RDH11: variants seen among roughly 807,000 people sequenced by gnomAD.
RDH11 encodes the protein retinol dehydrogenase 11.
RDH11 carries 19 observed loss-of-function variants against 33.4 expected under a neutral mutation model. The ratio of observed to expected loss-of-function variants is 0.57; its 90% CI spans 0.40 to 0.83. RDH11 has a LOEUF of 0.83. RDH11 is among the 40% of genes least tolerant of loss of function. The probability of loss-of-function intolerance (pLI) is 0.00; values close to 1 mark genes in which losing one functional copy is unlikely to be tolerated. For missense variants in RDH11, 353 were observed against 389.0 expected (o/e 0.91, Z 0.78); for synonymous variants, 154 against 155.3 (o/e 0.99, Z 0.06).
At chr14:67,679,133 T>A (rs919062210) in intron 6 of RDH11, among the ~76,000 whole-genome samples, 3 of 152,134 alleles carry the variant, frequency 2.0e-5, no homozygotes, top group Non-Finnish European at 4.4e-5. Context: ...AATAACAAGA[T>A]GGAAGGCATG....
intron 4 of RDH11, 88 bp from the exon 5 acceptor site, chr14:67,690,509 G>A: frequency 9.6e-7 from 1 of 1,039,954 alleles, no homozygotes; most frequent in South Asian, 1.4e-5. Flanking sequence ...ATGGGAGGCA[G>A]ATAATTCAGA....
intron 3 of RDH11, chr14:67,691,995 T>C: frequency 6.4e-6 from 1 of 155,968 alleles, no homozygotes; most frequent in East Asian, 1.9e-4. Flanking sequence ...GGTAAACTTC[T>C]TTGTCATGTC....
At position 67,687,467 on chromosome 14, in the gene RDH11, C is replaced by CT. The variant is rs67069556; in HGVS notation, c.665-2264dup. Among the ~76,000 whole-genome samples the CT allele has an allele frequency of 1.0e-3, 83 of 79,684 alleles. 2 individuals are homozygous for CT. Among genetic ancestry groups the CT allele is most frequent in the African/African-American group, 3.1e-3 (70 of 22,286 alleles). 52.3% of individuals were successfully genotyped at this position (79,684 alleles called of 152,430 possible). On this transcript the variant is annotated intron_variant, in intron 5 of 6. Transcript: ENST00000381346. ...GGAATGTTTCTCAGCCTCCATATTC[C>CT]TTTTTTTTTTTTTTTTTTTTGAGAT...
chr14:67,691,496 TACTC>T (rs2037750306), intron 3 of RDH11: 1 of 358,306 alleles, frequency 2.8e-6, no homozygotes. Flanking sequence ...AGGAGCTACT[TACTC>T]ACTGCTTTTG....
chr14:67,693,895 C>A (rs2037788552), intron 1 of RDH11, among the ~76,000 whole-genome samples: 1 of 152,154 alleles, frequency 6.6e-6, no homozygotes. Context: ...AGGTGATCCG[C>A]CCACCTCAGC....
intron 6 of RDH11, among the ~76,000 whole-genome samples, chr14:67,682,917 G>A (rs2140059931): frequency 6.6e-6 from 1 of 152,322 alleles, no homozygotes; most frequent in Non-Finnish European, 1.5e-5. Flanking sequence ...ATGAAGTACT[G>A]ACACATGCTT....
chr14:67,690,649 A>G (rs1031160833), intron 4 of RDH11: 8 of 514,502 alleles, frequency 1.6e-5, no homozygotes, highest in African/African-American at 3.8e-5. Context: ...CTATGTGAAT[A>G]TGAAGTCCCA....
chr14:67,691,432 T>C, intron 3 of RDH11, 188 bp from the exon 4 acceptor site: 2 of 535,596 alleles, frequency 3.7e-6, no homozygotes, highest in East Asian at 6.2e-5. Flanking sequence ...ACTTTTACTA[T>C]GGGGCAGAAT....
intron 6 of RDH11, among the ~76,000 whole-genome samples, chr14:67,679,024 G>T (rs561188780): frequency 6.9e-4 from 105 of 152,248 alleles, no homozygotes; most frequent in African/African-American, 2.3e-3. Flanking sequence ...CGACAAACTG[G>T]GTAACTATAA....
intron 6 of RDH11, among the ~76,000 whole-genome samples, chr14:67,681,930 GATTA>G (rs1395446317): frequency 6.6e-5 from 10 of 152,242 alleles, no homozygotes; most frequent in Non-Finnish European, 1.5e-4. Flanking sequence ...TTCATGAACA[GATTA>G]ATTAATAAAA....
At position 67,694,318 on chromosome 14, in the gene RDH11, C is replaced by T. The variant is rs561107750; in HGVS notation, c.75-1266G>A. On this transcript the variant is annotated intron_variant, in intron 1 of 6. Coordinates refer to ENST00000381346, the MANE Select transcript of RDH11 (RefSeq NM_016026.4). ...CTCCAGGAGTGACAACTTAGTAGGA[C>T]CTGTACTTAGTTCTTTCTTCTCCTT... Among the ~76,000 whole-genome samples, 208 of 151,996 alleles carry T rather than the reference C, an allele frequency of 1.4e-3. 2 individuals carry two copies. Among genetic ancestry groups the T allele is most frequent in the African/African-American group, 4.1e-3 (169 of 41,432 alleles).
intron 6 of RDH11, among the ~76,000 whole-genome samples, chr14:67,684,203 T>C (rs1332296143): frequency 1.3e-5 from 2 of 152,254 alleles, no homozygotes; most frequent in South Asian, 2.1e-4. Context: ...TATAGGCCTC[T>C]CATAATCTGT....
At chr14:67,684,784 G>T in intron 6 of RDH11, 1 of 357,832 alleles carries the variant, frequency 2.8e-6, no homozygotes, top group Non-Finnish European at 5.0e-6. Flanking sequence ...ACAAAGACAG[G>T]AAGAAAACAA....
chr14:67,690,832 G>C (rs1427344229), intron 4 of RDH11: 2 of 385,658 alleles, frequency 5.2e-6, no homozygotes, highest in African/African-American at 4.1e-5. Flanking sequence ...AAAAAGAGCA[G>C]ATGACCTATA....
chr14:67,683,408 T>C lies in RDH11; in HGVS notation c.854+1607A>G, dbSNP rs116454749. Among the ~76,000 whole-genome samples, 1,131 of 152,330 alleles carry C rather than the reference T, an allele frequency of 7.4e-3. 16 individuals carry two copies. The highest frequency in any genetic ancestry group is 0.026 in the African/African-American group (1,090 of 41,570). On this transcript the variant is annotated intron_variant, in intron 6 of 6. Coordinates refer to ENST00000381346, the MANE Select transcript of RDH11 (RefSeq NM_016026.4). ...CACATTTCCAACTATCTGCTATACA[T>C]TTCTACTTGCATGCCTTATAGATAA... is the stretch of plus-strand genomic sequence containing the variant.
intron 1 of RDH11, among the ~76,000 whole-genome samples, chr14:67,694,649 T>C (rs1321178605): frequency 2.0e-5 from 3 of 152,026 alleles, no homozygotes; most frequent in Non-Finnish European, 2.9e-5. Context: ...TGTTTTCATC[T>C]GAGTGTGAGA....
At chr14:67,678,516 G>A in intron 6 of RDH11, 93 bp from the exon 7 acceptor site, 1 of 766,116 alleles carries the variant, frequency 1.3e-6, no homozygotes, top group Non-Finnish European at 2.2e-6. Flanking sequence ...AACAACTAGG[G>A]ATCACATGTT....
chr14:67,691,312 C>T, intron 3 of RDH11, 68 bp from the exon 4 acceptor site: 2 of 1,013,132 alleles, frequency 2.0e-6, no homozygotes, highest in South Asian at 1.3e-5. Flanking sequence ...AAAGCTGCCT[C>T]ACGCTCAGGC....
rs763908149 is a variant in RDH11 at position 67,690,284 on chromosome 14, C to T, written c.592G>A (p.Ala198Thr). 27 of 1,614,036 alleles carry T rather than the reference C, an allele frequency of 1.7e-5. No homozygotes were observed. In the South Asian group the frequency reaches 3.0e-4, roughly 18 times the overall value. The change falls in exon 5 of 7, where the codon GCA becomes ACA. Residue 198 changes from alanine (A) to threonine (T), a missense_variant. Coordinates refer to ENST00000381346, the MANE Select transcript of RDH11 (RefSeq NM_016026.4). ...HNLQGEKFYN[A>T]GLAYCHSKLA... ...TTGCTGTGACAGTAGGCCAGGCCTG[C>T]ATTGTAGAATTTCTCGCCCTGCAGG...
Sources: allele counts gnomAD v4.1 joint callset (sites outside exome capture counted in the v4.1 genomes callset), GRCh38; gene constraint gnomAD v4.1.1; transcripts MANE v1.5; gene names NCBI Gene and HGNC (gene_info 2026-07-23, HGNC 2026-07-21).